KNL1: variants seen among roughly 807,000 people sequenced by gnomAD.
KNL1 encodes kinetochore scaffold 1.
A neutral mutation model predicts 201.3 loss-of-function variants in KNL1; 66 were observed. That is an observed-to-expected ratio of 0.33 (90% CI 0.27 to 0.40). The LOEUF (loss-of-function observed/expected upper bound fraction) is 0.40. Ranked by LOEUF, KNL1 falls within the 10% of genes least tolerant of loss-of-function variation. The pLI, the probability that KNL1 is intolerant of heterozygous loss-of-function variation, is 1.00. For missense variants in KNL1, 2,815 were observed against 2,690.5 expected, an observed-to-expected ratio of 1.05 and a Z score of -1.02; for synonymous variants, 895 against 899.2, an observed-to-expected ratio of 1.00 and a Z score of 0.08.
chr15:40,609,119 T>C (rs1164127657), intron 5 of KNL1, among the ~76,000 whole-genome samples: 1 of 151,812 alleles, frequency 6.6e-6, no homozygotes, highest in Non-Finnish European at 1.5e-5. Context: ...TTTGACATTG[T>C]ACTAGGGGCC....
At chr15:40,639,124 T>C (rs1394830904) in intron 13 of KNL1, among the ~76,000 whole-genome samples, 1 of 151,920 alleles carries the variant, frequency 6.6e-6, no homozygotes, top group Non-Finnish European at 1.5e-5. Flanking sequence ...TACATATAGT[T>C]TTGATTTTTA....
chr15:40,641,211 A>G (rs1893219577), intron 14 of KNL1, among the ~76,000 whole-genome samples, 184 bp downstream of exon 14: 1 of 152,184 alleles, frequency 6.6e-6, no homozygotes, highest in Non-Finnish European at 1.5e-5. Context: ...CTTGGCTTCA[A>G]CACTAGCTGT....
chr15:40,606,249 G>T (rs775885632), intron 3 of KNL1, 144 bp from the exon 4 acceptor site: 3 of 590,096 alleles, frequency 5.1e-6, no homozygotes, highest in Non-Finnish European at 6.2e-6. Context: ...CTGCCACACG[G>T]TATAGCATTG....
intron 1 of KNL1, among the ~76,000 whole-genome samples, chr15:40,602,157 G>T (rs1389251344): frequency 1.3e-5 from 2 of 151,498 alleles, no homozygotes; most frequent in Non-Finnish European, 2.9e-5. Flanking sequence ...CTCCTGATTA[G>T]CTGGGATTAC....
Position 40,645,015 on chromosome 15 carries a change from G to T in KNL1, c.5817G>T (p.Ser1939=). The T allele has an allele frequency of 6.2e-7, 1 of 1,610,548 alleles. No homozygotes were observed. Among genetic ancestry groups the T allele is most frequent in the South Asian group, 1.1e-5 (1 of 90,908 alleles). Residue 1939 remains serine, a synonymous_variant, in exon 15 of 26, where the codon TCG becomes TCT. Coordinates refer to ENST00000399668, the MANE Select transcript of KNL1 (RefSeq NM_144508.5). ...ATTTTAGATTAAAGCTTTCTGCATC[G>T]AACCAAGATAAGCTGTTGGTTGATA... ...QKIEELKLSA[S]NQDKLLVDIN...
intron 13 of KNL1, among the ~76,000 whole-genome samples, chr15:40,634,464 G>A (rs1307930592): frequency 6.6e-6 from 1 of 152,226 alleles, no homozygotes; most frequent in Non-Finnish European, 1.5e-5. Context: ...TGCATTGTGT[G>A]TGGATTATAT....
At position 40,640,882 on chromosome 15, in the gene KNL1, A is replaced by C. The variant is rs1277052819; in HGVS notation, c.5683-30A>C. ...TATATGGTTTTGTCTGCAAGATACC[A>C]GTTCTCAGGGACTGAATTTTTTTTT... On this transcript the variant is annotated intron_variant, in intron 13 of 25. Coordinates refer to ENST00000399668, the MANE Select transcript of KNL1 (RefSeq NM_144508.5). The C allele has an allele frequency of 2.4e-6, 3 of 1,265,076 alleles. No homozygotes were observed. The Admixed American group carries it at 5.3e-5, about 22-fold the overall frequency. 78.4% of individuals were successfully genotyped at this position (1,265,076 alleles called of 1,614,324 possible).
In KNL1 at chr15:40,640,718, A is replaced by G. The variant is rs555523695; in HGVS notation, c.5683-194A>G. ...AACAACCACAGTTCCAGTAAAATCT[A>G]TGGGGAAAGGGACTTAGAAGTCAGA... On this transcript the variant is annotated intron_variant, in intron 13 of 25. Coordinates refer to ENST00000399668, the MANE Select transcript of KNL1 (RefSeq NM_144508.5). Among the ~76,000 whole-genome samples the G allele has an allele frequency of 1.1e-4, 17 of 152,128 alleles. No individual in the cohort carries two copies. In the South Asian group the frequency reaches 3.3e-3, roughly 30 times the overall value.
At position 40,650,398 on chromosome 15, in the gene KNL1, A is replaced by G; in HGVS notation, c.6172+20A>G. ...AAAAAGGTAATTGAATTAGTTAAGG[A>G]GATAAATGGGTGTGGGGGAAGCCCT... is the stretch of plus-strand genomic sequence containing the variant. On this transcript the variant is annotated intron_variant, in intron 18 of 25. Transcript: ENST00000399668. The G allele has an allele frequency of 6.3e-7, 1 of 1,590,800 alleles. No homozygotes were observed.
In KNL1 at chr15:40,618,988, CATA is replaced by C; in HGVS notation, c.353_355del (p.His118_Thr119delinsPro). 6.2e-7 allele frequency: 1 copy of C among 1,606,988 alleles called. No homozygotes were observed. Among genetic ancestry groups the C allele is most frequent in the Non-Finnish European group, 8.5e-7 (1 of 1,174,348 alleles). ...GAACACATTGCTTTCTGCTCCCATT[CATA>C]CCCAGATGCAACAGAAGGAGGTATG... On this transcript the variant is annotated inframe_deletion, in exon 9 of 26. Transcript: ENST00000399668.
intron 13 of KNL1, among the ~76,000 whole-genome samples, chr15:40,637,334 T>TG (rs1893086201): frequency 6.6e-6 from 1 of 151,656 alleles, no homozygotes; most frequent in African/African-American, 2.4e-5. Flanking sequence ...TTTTTTTTTT[T>TG]GTAAATTAAT....
At chr15:40,627,889 A>G (rs1225426448) in intron 10 of KNL1, among the ~76,000 whole-genome samples, 181 bp from the exon 11 acceptor site, 1 of 152,226 alleles carries the variant, frequency 6.6e-6, no homozygotes. Flanking sequence ...ATTTTCAATA[A>G]AATTACTTTT....
Position 40,622,900 on chromosome 15 carries a change from C to G in KNL1, c.2636C>G (p.Thr879Arg), listed in dbSNP as rs200971468. 1.1e-5 allele frequency: 17 copies of G among 1,612,184 alleles called. No homozygotes were observed. Among genetic ancestry groups the G allele is most frequent in the East Asian group, 2.2e-5 (1 of 44,874 alleles). The change falls in exon 10 of 26, where the codon ACA becomes AGA. Residue 879 changes from threonine (T) to arginine (R), a missense_variant. Thr to Arg is a moderately conservative substitution (Grantham distance 71). Around this residue, in one of 3 missense-constraint regions of KNL1, gnomAD observed 2,464 missense variants for 2,291.7 expected, o/e 1.08. Coordinates refer to ENST00000399668, the MANE Select transcript of KNL1 (RefSeq NM_144508.5). ...KNDMDITKSY[T>R]IEINHRPLLE... ...GATATGGATATCACTAAGAGTTATACAATAGAAATAAACCATAGACCTTTA... is the reference window on the plus strand; with the variant it reads ...GATATGGATATCACTAAGAGTTATAGAATAGAAATAAACCATAGACCTTTA...
chr15:40,652,290 T>A (rs1234676866), intron 21 of KNL1, among the ~76,000 whole-genome samples, 185 bp downstream of exon 21: 1 of 152,120 alleles, frequency 6.6e-6, no homozygotes, highest in Non-Finnish European at 1.5e-5. Context: ...AAAATAAAAA[T>A]GGAATTAGTG....
chr15:40,646,856 CAAAAAAAAAA>C (rs146834597), intron 16 of KNL1, 121 bp from the exon 17 acceptor site: 5 of 191,398 alleles, frequency 2.6e-5, no homozygotes, highest in East Asian at 1.4e-4. Context: ...GACTCCGCCT[CAAAAAAAAAA>C]AAAAAAAAAA....
At chr15:40,638,232 G>A (rs1273966031) in intron 13 of KNL1, among the ~76,000 whole-genome samples, 2 of 103,132 alleles carry the variant, frequency 1.9e-5, no homozygotes, top group African/African-American at 7.0e-5. Context: ...AGGAAGGGAA[G>A]GGAGGGGAGG....
Position 40,652,076 on chromosome 15 carries a change from A to G in KNL1, c.6386A>G (p.Gln2129Arg). 1 of 1,613,652 alleles carries G rather than the reference A, an allele frequency of 6.2e-7. No individual in the cohort carries two copies. The highest frequency in any genetic ancestry group is 8.5e-7 in the Non-Finnish European group (1 of 1,179,636). ...TTCACCTTTGTTTATGACACGATAC[A>G]ACTCACCATCACCTTTGAAGAGTCA... ...AVFTFVYDTI[Q>R]LTITFEESVV... Residue 2129 changes from glutamine to arginine, a missense_variant, in exon 21 of 26, where the codon CAA becomes CGA. Coordinates refer to ENST00000399668, the MANE Select transcript of KNL1 (RefSeq NM_144508.5).
In KNL1 at chr15:40,664,308, A is replaced by G. The variant is rs1893993881; in HGVS notation, c.*2120A>G. 5.8e-6 allele frequency: 1 copy of G among 173,014 alleles called. No individual in the cohort carries two copies. The highest frequency in any genetic ancestry group is 1.0e-4 in the East Asian group (1 of 9,712). 10.7% of individuals were successfully genotyped at this position (173,014 alleles called of 1,614,324 possible). On this transcript the variant is annotated 3_prime_UTR_variant, in exon 26 of 26. Transcript: ENST00000399668. ...TTTCATTGGTTGGAAAGCAGATTACATTTTGCACTATTAAAATAAGTTTAT... is the reference window on the plus strand; with the variant it reads ...TTTCATTGGTTGGAAAGCAGATTACGTTTTGCACTATTAAAATAAGTTTAT...
At chr15:40,613,867 G>A (rs1211149231) in intron 7 of KNL1, among the ~76,000 whole-genome samples, 3 of 151,758 alleles carry the variant, frequency 2.0e-5, no homozygotes, top group Non-Finnish European at 4.4e-5. Flanking sequence ...GCGCCATCTC[G>A]GCCCACTGCA....
Sources: allele counts gnomAD v4.1 joint callset (sites outside exome capture counted in the v4.1 genomes callset), GRCh38; gene constraint gnomAD v4.1.1; regional missense constraint gnomAD v4.1.1; transcripts MANE v1.5; gene names NCBI Gene and HGNC (gene_info 2026-07-23, HGNC 2026-07-21).